The following SPHKAP variants were observed in gnomAD, a reference collection of about 807,000 sequenced individuals.
SPHKAP encodes the protein A-kinase anchor protein SPHKAP.
SPHKAP carries 67 observed loss-of-function variants against 137.5 expected under a neutral mutation model. That is an observed-to-expected ratio of 0.49 (90% CI 0.40 to 0.60). The LOEUF (loss-of-function observed/expected upper bound fraction) is 0.60, where lower values mean the gene tolerates loss of function less well. Ranked by LOEUF, SPHKAP falls within the 20% of genes least tolerant of loss-of-function variation. SPHKAP has a pLI of 0.00. For missense variants in SPHKAP, 2,097 were observed against 2,069.3 expected (o/e 1.01, Z -0.26); for synonymous variants, 813 against 785.3 (o/e 1.04, Z -0.59).
intron 1 of SPHKAP, among the ~76,000 whole-genome samples, chr2:228,175,328 C>A (rs1700707720): frequency 6.6e-6 from 1 of 151,836 alleles, no homozygotes; most frequent in Non-Finnish European, 1.5e-5. Context: ...CTAAAAATAT[C>A]TGATGATTTA....
chr2:228,104,799 C>T (rs566540949), intron 3 of SPHKAP, among the ~76,000 whole-genome samples: 28 of 152,038 alleles, frequency 1.8e-4, no homozygotes, highest in African/African-American at 4.6e-4. Flanking sequence ...ATAACCAATA[C>T]GAAAACAGCC....
chr2:228,111,202 G>A (rs892728812), intron 2 of SPHKAP, among the ~76,000 whole-genome samples: 3 of 152,136 alleles, frequency 2.0e-5, no homozygotes, highest in Non-Finnish European at 4.4e-5. Context: ...GAGTTTAAGA[G>A]CATCAACATT....
chr2:228,181,681 C>A lies in SPHKAP; in HGVS notation c.-83G>T. ...GTGCTAGGACCCAGCTCCCAGAGTG[C>A]CAGACTGGCGCGCGCCAGGAGAGAG... On this transcript the variant is annotated 5_prime_UTR_variant, in exon 1 of 12. Coordinates refer to ENST00000392056, the MANE Select transcript of SPHKAP (RefSeq NM_001142644.2). The surrounding 1 kb of genome is among the most constrained non-coding windows in gnomAD (Gnocchi z 4.3). 1.2e-6 allele frequency: 2 copies of A among 1,613,172 alleles called. No homozygotes were observed.
At chr2:228,005,050 T>C (rs1574733675) in intron 7 of SPHKAP, among the ~76,000 whole-genome samples, 2 of 152,316 alleles carry the variant, frequency 1.3e-5, no homozygotes, top group East Asian at 3.9e-4. Flanking sequence ...GGTGGAGAGT[T>C]CTCTAGATGT....
intron 4 of SPHKAP, chr2:228,025,938 G>A: frequency 1.1e-6 from 1 of 893,488 alleles, no homozygotes; most frequent in Non-Finnish European, 1.3e-6. Flanking sequence ...TCATCTTGTA[G>A]CTGCTATAAT....
intron 5 of SPHKAP, among the ~76,000 whole-genome samples, chr2:228,022,599 A>C (rs1694883398): frequency 6.6e-6 from 1 of 152,208 alleles, no homozygotes; most frequent in Non-Finnish European, 1.5e-5. Flanking sequence ...ATTTCTGGGT[A>C]TAAAGCTGGC....
chr2:228,024,662 C>T (rs866786045), intron 5 of SPHKAP, among the ~76,000 whole-genome samples: 2 of 151,860 alleles, frequency 1.3e-5, no homozygotes, highest in Non-Finnish European at 2.9e-5. Flanking sequence ...AAATTAAAAC[C>T]CAAGGAAGAA....
intron 3 of SPHKAP, among the ~76,000 whole-genome samples, chr2:228,038,899 G>A (rs564117706): frequency 1.3e-5 from 2 of 152,324 alleles, no homozygotes; most frequent in East Asian, 3.9e-4. Context: ...TAAAGGTACA[G>A]GGAATACGTA....
intron 1 of SPHKAP, among the ~76,000 whole-genome samples, chr2:228,164,034 G>C (rs1020206168): frequency 6.6e-6 from 1 of 152,136 alleles, no homozygotes; most frequent in Admixed American, 6.6e-5. Context: ...CTCCCAGTGT[G>C]GGTGGGCACC....
At chr2:228,026,150 T>G (rs1276551952) in intron 4 of SPHKAP, among the ~76,000 whole-genome samples, 1 of 152,196 alleles carries the variant, frequency 6.6e-6, no homozygotes, top group Non-Finnish European at 1.5e-5. Context: ...CCATCATGAT[T>G]GTGAGGCCTC....
At chr2:228,067,370 C>T (rs981312468) in intron 3 of SPHKAP, among the ~76,000 whole-genome samples, 8 of 152,130 alleles carry the variant, frequency 5.3e-5, no homozygotes, top group Non-Finnish European at 8.8e-5. Flanking sequence ...ATCAAGCAAA[C>T]AGTTTACAAA....
intron 1 of SPHKAP, among the ~76,000 whole-genome samples, chr2:228,168,842 A>G (rs1700495820): frequency 6.6e-6 from 1 of 152,178 alleles, no homozygotes; most frequent in Admixed American, 6.6e-5. Context: ...GCAGTTAGCC[A>G]CATTGTGAAT....
intron 2 of SPHKAP, among the ~76,000 whole-genome samples, chr2:228,116,143 G>A (rs1392221228): frequency 6.6e-6 from 1 of 152,258 alleles, no homozygotes; most frequent in East Asian, 1.9e-4. Flanking sequence ...TGTGATAGCA[G>A]CTCTGACAAA....
At chr2:228,171,685 T>A (rs1700589157) in intron 1 of SPHKAP, among the ~76,000 whole-genome samples, 1 of 152,158 alleles carries the variant, frequency 6.6e-6, no homozygotes, top group South Asian at 2.1e-4. Flanking sequence ...CATGTCTCTT[T>A]ACATCCTTTG....
intron 7 of SPHKAP, among the ~76,000 whole-genome samples, chr2:228,015,917 T>C (rs149492965): frequency 9.7e-4 from 148 of 152,358 alleles, no homozygotes; most frequent in African/African-American, 3.5e-3. Context: ...ATTTGACTGT[T>C]TTCAAATGAA....
chr2:228,140,657 C>T (rs1363411438), intron 1 of SPHKAP, among the ~76,000 whole-genome samples: 3 of 152,026 alleles, frequency 2.0e-5, no homozygotes, highest in African/African-American at 7.3e-5. Context: ...TTATAATCCC[C>T]AGTATTAGAA....
rs567151959 is a variant in SPHKAP, at chr2:228,090,083, C to T, written c.246+18749G>A. ...TCAAGAATGGTAGAGTCGCCAGCGT[C>T]TTGTAACCTCAGCATGGAAAAACTG... On this transcript the variant is annotated intron_variant, in intron 3 of 11. Transcript: ENST00000392056. 9.8e-5 allele frequency among the ~76,000 whole-genome samples: 15 copies of T among 152,302 alleles called. No individual in the cohort carries two copies. The East Asian group carries it at 2.9e-3, about 29-fold the overall frequency.
At chr2:228,148,268 G>T (rs1699835767) in intron 1 of SPHKAP, among the ~76,000 whole-genome samples, 1 of 152,094 alleles carries the variant, frequency 6.6e-6, no homozygotes, top group African/African-American at 2.4e-5. Context: ...CAAACACACT[G>T]CCAGTCCTAG....
intron 3 of SPHKAP, among the ~76,000 whole-genome samples, chr2:228,064,219 T>C (rs1696751544): frequency 6.6e-6 from 1 of 152,178 alleles, no homozygotes; most frequent in Non-Finnish European, 1.5e-5. Context: ...TGGCAGTTCT[T>C]GTGTTTGGGA....
Sources: allele counts gnomAD v4.1 joint callset (sites outside exome capture counted in the v4.1 genomes callset), GRCh38; gene constraint gnomAD v4.1.1; non-coding constraint Gnocchi (gnomAD v3.1); transcripts MANE v1.5; gene names NCBI Gene and HGNC (gene_info 2026-07-23, HGNC 2026-07-21).